LMF1: variants seen among roughly 807,000 people sequenced by gnomAD.
The protein encoded by LMF1 is transmembrane protein 112.
Under a neutral mutation model 60.6 loss-of-function variants are expected in LMF1, and 68 were observed. The observed-to-expected ratio is 1.12, with a 90% confidence interval of 0.92 to 1.37. The LOEUF is 1.37. Among genes scored for constraint, LMF1 ranks in the 40% most tolerant of loss-of-function variants. The probability of loss-of-function intolerance (pLI) is 0.00; values close to 1 mark genes in which losing one functional copy is unlikely to be tolerated. For synonymous variants in LMF1, 418 were observed against 324.7 expected, an observed-to-expected ratio of 1.29 and a Z score of -3.09; for missense variants, 948 against 767.2, an observed-to-expected ratio of 1.24 and a Z score of -2.78.
chr16:854,741 G>A, intron 10 of LMF1, 35 bp from the exon 11 acceptor site: 2 of 1,545,446 alleles, frequency 1.3e-6, no homozygotes, highest in East Asian at 2.4e-5. Flanking sequence ...AGGGCCTGCT[G>A]GGACTCCCGG....
In LMF1 at chr16:869,877, C is replaced by G. The variant is rs1272353349; in HGVS notation, c.1416+6G>C. 6.2e-7 allele frequency: 1 copy of G among 1,610,558 alleles called. No homozygotes were observed. Among genetic ancestry groups the G allele is most frequent in the East Asian group, 2.2e-5 (1 of 44,814 alleles). ...GTCCATGCGCCCGCCAGGGACCGTC[C>G]CCCACCTGGAAGGCCGCGAACCACA... On this transcript the variant is annotated splice_donor_region_variant and intron_variant, in intron 9 of 10. Transcript: ENST00000262301.
In LMF1 at chr16:977,289, C is replaced by T. The variant is rs151067595; in HGVS notation, c.-135+3856G>A. Among the ~76,000 whole-genome samples the T allele has an allele frequency of 2.9e-3, 443 of 152,308 alleles. 3 individuals are homozygous for T. Among genetic ancestry groups the T allele is most frequent in the African/African-American group, 9.7e-3 (402 of 41,578 alleles). ...CAGTGAAGTACAGGGAGCTGCAACC[C>T]AGCCCAGAGCTCCAAGTGTGCGTGG... On this transcript the variant is annotated intron_variant, in intron 1 of 6. Transcript: ENST00000570014.
chr16:894,374 C>T (rs1472416202), intron 4 of LMF1, among the ~76,000 whole-genome samples: 1 of 126,582 alleles, frequency 7.9e-6, no homozygotes, highest in Non-Finnish European at 1.7e-5. Context: ...CCCCGTCCAC[C>T]TGGCCATCCG....
intron 1 of LMF1, among the ~76,000 whole-genome samples, chr16:956,562 G>C (rs2072709076): frequency 6.6e-6 from 1 of 152,200 alleles, no homozygotes; most frequent in East Asian, 1.9e-4. Flanking sequence ...TAGATTTAAG[G>C]GCTGGGCAGG....
upstream of LMF1, among the ~76,000 whole-genome samples, chr16:973,783 G>A (rs879330765): frequency 9.9e-5 from 15 of 152,250 alleles, no homozygotes; most frequent in Middle Eastern, 3.4e-3. Flanking sequence ...GGTGGATCAC[G>A]AGGTCAGGAG....
chr16:941,927 T>G (rs942547050), intron 2 of LMF1, among the ~76,000 whole-genome samples: 1 of 152,112 alleles, frequency 6.6e-6, no homozygotes, highest in African/African-American at 2.4e-5. Flanking sequence ...GTGTCTGTAT[T>G]AAATTAAGAA....
Position 874,034 on chromosome 16 carries a change from C to T in LMF1, c.898-2693G>A, listed in dbSNP as rs1191585582. Among the ~76,000 whole-genome samples the T allele has an allele frequency of 6.6e-6, 1 of 152,148 alleles. No individual in the cohort carries two copies. The highest frequency in any genetic ancestry group is 1.9e-4 in the East Asian group (1 of 5,184). On this transcript the variant is annotated intron_variant, in intron 6 of 10. Coordinates refer to ENST00000262301, the MANE Select transcript of LMF1 (RefSeq NM_022773.4). The surrounding 1 kb of genome is among the most constrained non-coding windows in gnomAD (Gnocchi z 4.1). ...TGAAGCTCCCAGTGGCTGGTGGAGG[C>T]CCGGCGGCGGGTGTGAGGGTCTCCT... is the stretch of plus-strand genomic sequence containing the variant.
intron 1 of LMF1, among the ~76,000 whole-genome samples, chr16:963,661 A>G (rs780955923): frequency 1.3e-5 from 2 of 151,990 alleles, no homozygotes; most frequent in South Asian, 4.2e-4. Context: ...ACAGGGACCT[A>G]ATTGGCGCTA....
At chr16:914,899 C>G (rs538474240) in intron 3 of LMF1, among the ~76,000 whole-genome samples, 1 of 151,460 alleles carries the variant, frequency 6.6e-6, no homozygotes, top group Admixed American at 6.6e-5. Context: ...TTTCTCTGAA[C>G]TAAATATCCG....
chr16:890,023 C>T (rs147196054), intron 5 of LMF1, among the ~76,000 whole-genome samples: 1,768 of 152,292 alleles, frequency 0.012, 35 homozygotes, highest in African/African-American at 0.04. Context: ...AACCCCACCC[C>T]AGATGTGGTG....
intron 4 of LMF1, 35 bp from the exon 5 acceptor site, chr16:893,107 A>C (rs4984705): frequency 6.5e-7 from 1 of 1,537,998 alleles, no homozygotes; most frequent in Non-Finnish European, 8.8e-7. Context: ...AGTCAGTCAC[A>C]GGGGCTGGGG....
At chr16:855,189 C>G (rs914925135) in intron 10 of LMF1, 1 of 239,688 alleles carries the variant, frequency 4.2e-6, no homozygotes, top group Non-Finnish European at 8.3e-6. Context: ...CAGTCCGAGG[C>G]TGTGAGGGAG....
chr16:969,566 C>T (rs150899588), intron 1 of LMF1, among the ~76,000 whole-genome samples: 43 of 152,370 alleles, frequency 2.8e-4, no homozygotes, highest in Non-Finnish European at 6.2e-4. Context: ...CAAAGAAGAA[C>T]TTCTGCAACC....
intron 10 of LMF1, among the ~76,000 whole-genome samples, chr16:862,354 G>A (rs2069490710): frequency 1.3e-5 from 2 of 151,982 alleles, no homozygotes; most frequent in Admixed American, 1.3e-4. Flanking sequence ...ATGTTGGCCA[G>A]GCTGGTCTTG....
chr16:869,737 C>T, intron 9 of LMF1, 146 bp downstream of exon 9: 1 of 867,440 alleles, frequency 1.2e-6, no homozygotes, highest in Non-Finnish European at 1.8e-6. Context: ...CGTGTGGGCT[C>T]AGTTCTCAGC....
rs79542678 is a variant in LMF1, at chr16:867,524, C to T, written c.1529+1420G>A. On this transcript the variant is annotated intron_variant, in intron 10 of 10. Transcript: ENST00000262301. The stretch of plus-strand genomic sequence containing the variant: ...AAGACCCGTATTGAGCCTCGAAGGA[C>T]GAGCTCTGGGGCCTGGTCCCCAGTG... Among the ~76,000 whole-genome samples, 133 of 152,272 alleles carry T rather than the reference C, an allele frequency of 8.7e-4. 1 individual carries two copies. The highest frequency in any genetic ancestry group is 3.0e-3 in the African/African-American group (124 of 41,566).
chr16:931,075 C>T (rs375556441), intron 3 of LMF1, among the ~76,000 whole-genome samples: 12 of 151,520 alleles, frequency 7.9e-5, no homozygotes, highest in Non-Finnish European at 1.8e-4. Context: ...GAGCCAAGAT[C>T]GCACCACTGC....
At chr16:946,925 A>G (rs2072251597) in intron 2 of LMF1, among the ~76,000 whole-genome samples, 1 of 152,194 alleles carries the variant, frequency 6.6e-6, no homozygotes, top group Non-Finnish European at 1.5e-5. Context: ...CTCCCATATG[A>G]GAGACGCTCA....
At position 878,155 on chromosome 16, in the gene LMF1, G is replaced by A. The variant is rs190912551; in HGVS notation, c.897+1415C>T. On this transcript the variant is annotated intron_variant, in intron 6 of 10. Transcript: ENST00000262301. This position sits in a 1 kb window ranked among gnomAD's most constrained non-coding sequence, Gnocchi z 5.2. ...GAGCCCCCAAACACGCGTGGGGTCC[G>A]GCTACATGGAACCGACTGAAGCTAT... Among the ~76,000 whole-genome samples the A allele has an allele frequency of 1.1e-4, 16 of 152,104 alleles. No homozygotes were observed. The highest frequency in any genetic ancestry group is 3.3e-4 in the Admixed American group (5 of 15,292).
Sources: allele counts gnomAD v4.1 joint callset (sites outside exome capture counted in the v4.1 genomes callset), GRCh38; gene constraint gnomAD v4.1.1; non-coding constraint Gnocchi (gnomAD v3.1); transcripts MANE v1.5; gene names NCBI Gene and HGNC (gene_info 2026-07-23, HGNC 2026-07-21).